TTC39C: variants seen among roughly 807,000 people sequenced by gnomAD.
The protein encoded by TTC39C is tetratricopeptide repeat domain 39C, also known as tetratricopeptide repeat protein 39C.
Under a neutral mutation model 76.3 loss-of-function variants are expected in TTC39C, and 33 were observed. The ratio of observed to expected loss-of-function variants is 0.43; its 90% CI spans 0.33 to 0.58. The LOEUF (loss-of-function observed/expected upper bound fraction) is 0.58, where lower values mean the gene tolerates loss of function less well. Ranked by LOEUF, TTC39C falls within the 20% of genes least tolerant of loss-of-function variation. TTC39C has a pLI of 0.04. For missense variants in TTC39C, 595 were observed against 701.4 expected (o/e 0.85, Z 1.71); for synonymous variants, 254 against 260.6 (o/e 0.97, Z 0.24).
At chr18:24,026,048 C>T (rs1280196011) in intron 1 of TTC39C, among the ~76,000 whole-genome samples, 1 of 152,150 alleles carries the variant, frequency 6.6e-6, no homozygotes, top group Admixed American at 6.5e-5. Flanking sequence ...GCTTCTAGAG[C>T]CCAAACAGCT....
chr18:24,014,037 G>C (rs2083414078), upstream of TTC39C, among the ~76,000 whole-genome samples: 1 of 152,254 alleles, frequency 6.6e-6, no homozygotes, highest in African/African-American at 2.4e-5. Context: ...TGGCGGGCTG[G>C]AGTGGGTGGT....
At chr18:24,081,657 G>A (rs1176606126) in intron 5 of TTC39C, among the ~76,000 whole-genome samples, 1 of 152,062 alleles carries the variant, frequency 6.6e-6, no homozygotes, top group Non-Finnish European at 1.5e-5. Context: ...TGATATCATA[G>A]AGGACCTTAC....
At chr18:24,114,032 A>AT (rs1332696221) in intron 6 of TTC39C, 1 of 304,686 alleles carries the variant, frequency 3.3e-6, no homozygotes, top group African/African-American at 2.2e-5. Flanking sequence ...AACTGGGCTA[A>AT]TGGAGCGGCT....
At chr18:24,082,081 G>T (rs759277942) in intron 5 of TTC39C, among the ~76,000 whole-genome samples, 1 of 147,168 alleles carries the variant, frequency 6.8e-6, no homozygotes, top group Non-Finnish European at 1.5e-5. Flanking sequence ...GCAGTGGCGC[G>T]ATCTCGGCTC....
intron 6 of TTC39C, among the ~76,000 whole-genome samples, chr18:24,092,954 G>C (rs1191046527): frequency 2.0e-5 from 3 of 152,176 alleles, no homozygotes; most frequent in Non-Finnish European, 2.9e-5. Context: ...TGTAGTCCCA[G>C]CTCTTTGGAA....
In TTC39C at chr18:24,126,362, A is replaced by G. The variant is rs777090682; in HGVS notation, c.1420+812A>G. ...ACTCTTCTTTTTGACCAAATATAGC[A>G]TGATCCATTGAGCCACATATTTTTA... On this transcript the variant is annotated intron_variant, in intron 10 of 13. Coordinates refer to ENST00000317571, the MANE Select transcript of TTC39C (RefSeq NM_001135993.2). Among the ~76,000 whole-genome samples the G allele has an allele frequency of 2.6e-4, 39 of 150,824 alleles. No homozygotes were observed. In the South Asian group the frequency reaches 5.0e-3, roughly 19 times the overall value.
chr18:24,107,514 G>T (rs1031526918), intron 6 of TTC39C, among the ~76,000 whole-genome samples: 2 of 152,032 alleles, frequency 1.3e-5, no homozygotes, highest in African/African-American at 4.8e-5. Context: ...TCCTGTTCTC[G>T]TGATAGTGAG....
rs118062115 is a variant in TTC39C, at chr18:24,041,316, C to T, written c.168-22824C>T. On this transcript the variant is annotated intron_variant, in intron 1 of 13. Coordinates refer to ENST00000317571, the MANE Select transcript of TTC39C (RefSeq NM_001135993.2). The stretch of plus-strand genomic sequence containing the variant: ...TTTCCCTTGATAATTGGCATTGATT[C>T]GCTAGCACAGGAAGAGAAAGCTGGA... 9.1e-3 allele frequency among the ~76,000 whole-genome samples: 1,388 copies of T among 152,242 alleles called. 16 individuals carry two copies. Among genetic ancestry groups the T allele is most frequent in the Admixed American group, 0.013 (197 of 15,284 alleles).
intron 6 of TTC39C, among the ~76,000 whole-genome samples, chr18:24,084,059 A>G (rs2084411940): frequency 6.6e-6 from 1 of 152,094 alleles, no homozygotes; most frequent in Non-Finnish European, 1.5e-5. Flanking sequence ...CAGGCAGTGG[A>G]GTGTATATTA....
At chr18:24,102,041 A>G (rs1472851812) in intron 6 of TTC39C, among the ~76,000 whole-genome samples, 2 of 152,210 alleles carry the variant, frequency 1.3e-5, no homozygotes, top group African/African-American at 4.8e-5. Context: ...CATCTGTAAA[A>G]AAGAAGGCAG....
intron 1 of TTC39C, among the ~76,000 whole-genome samples, chr18:24,052,754 G>A (rs557546529): frequency 1.3e-5 from 2 of 152,290 alleles, no homozygotes; most frequent in South Asian, 4.1e-4. Flanking sequence ...AGCAGGCTCA[G>A]TGTCAGCTAC....
chr18:24,067,680 C>T (rs1244341785), intron 3 of TTC39C, among the ~76,000 whole-genome samples: 2 of 152,184 alleles, frequency 1.3e-5, no homozygotes, highest in Non-Finnish European at 2.9e-5. Flanking sequence ...CCCCCTCAAC[C>T]CAGTCCATGG....
At chr18:24,106,957 T>C (rs1225653655) in intron 6 of TTC39C, among the ~76,000 whole-genome samples, 1 of 152,206 alleles carries the variant, frequency 6.6e-6, no homozygotes, top group Non-Finnish European at 1.5e-5. Context: ...AGTGCTGGGA[T>C]TACAGGTGTG....
In TTC39C at chr18:24,068,618, T is replaced by G. The variant is rs1238504894; in HGVS notation, c.346-539T>G. Among the ~76,000 whole-genome samples, 6 of 152,354 alleles carry G rather than the reference T, an allele frequency of 3.9e-5. No individual in the cohort carries two copies. The East Asian group carries it at 1.2e-3, about 29-fold the overall frequency. Reference sequence around the variant, plus strand: ...ATATTTGTATTTATATGACTTATATTTCAAGTAGTTTGTGATTTATTCAAA... The same window carrying G: ...ATATTTGTATTTATATGACTTATATGTCAAGTAGTTTGTGATTTATTCAAA... On this transcript the variant is annotated intron_variant, in intron 3 of 13. Transcript: ENST00000317571.
intron 1 of TTC39C, among the ~76,000 whole-genome samples, chr18:24,027,616 G>A (rs557512521): frequency 6.7e-6 from 1 of 150,132 alleles, no homozygotes; most frequent in African/African-American, 2.5e-5. Context: ...CTGCAGTGCC[G>A]TGGCATGATC....
intron 1 of TTC39C, among the ~76,000 whole-genome samples, chr18:24,021,464 T>G (rs1413756940): frequency 6.6e-6 from 1 of 152,146 alleles, no homozygotes; most frequent in Non-Finnish European, 1.5e-5. Flanking sequence ...GCATTTGCTG[T>G]GTAGGAAGAG....
Position 24,014,999 on chromosome 18 carries a change from A to G in TTC39C, c.128A>G (p.Asn43Ser). The change falls in exon 1 of 14, where the codon AAC (asparagine) becomes AGC (serine). Residue 43 changes from asparagine (N) to serine (S), a missense_variant. Physicochemically the swap from Asn to Ser is conservative, Grantham distance 46 (BLOSUM62 1). Coordinates refer to ENST00000317571, the MANE Select transcript of TTC39C (RefSeq NM_001135993.2). The part of the protein sequence containing the change: ...ALAGINMLLN[N>S]GFRESDQLFK... ...GCCGGCATCAACATGCTGCTCAACA[A>G]CGGCTTCAGGGAGTCGGACCAGCTT... 1 of 1,524,836 alleles carries G rather than the reference A, an allele frequency of 6.6e-7. No homozygotes were observed. Among genetic ancestry groups the G allele is most frequent in the Non-Finnish European group, 8.8e-7 (1 of 1,136,192 alleles). The allele number at this position is 1,524,836 out of a possible 1,614,324, so 94.5% of individuals were successfully genotyped here.
At chr18:24,027,044 C>T (rs1335261369) in intron 1 of TTC39C, among the ~76,000 whole-genome samples, 1 of 152,168 alleles carries the variant, frequency 6.6e-6, no homozygotes, top group African/African-American at 2.4e-5. Context: ...GTGATCCTAG[C>T]ACTTCGGGAG....
intron 1 of TTC39C, among the ~76,000 whole-genome samples, chr18:24,038,321 C>T (rs975255102): frequency 4.6e-5 from 7 of 152,242 alleles, no homozygotes; most frequent in South Asian, 2.1e-4. Context: ...CTCACTCAGT[C>T]GCCCAGGCTG....
Sources: allele counts gnomAD v4.1 joint callset (sites outside exome capture counted in the v4.1 genomes callset), GRCh38; gene constraint gnomAD v4.1.1; transcripts MANE v1.5; gene names NCBI Gene and HGNC (gene_info 2026-07-23, HGNC 2026-07-21).